FNDC3A: variants seen among roughly 807,000 people sequenced by gnomAD.
The protein encoded by FNDC3A is fibronectin type III domain containing 3A.
FNDC3A carries 32 observed loss-of-function variants against 148.9 expected under a neutral mutation model. The observed-to-expected ratio is 0.21, with a 90% CI of 0.16 to 0.29. FNDC3A has a LOEUF of 0.29. Among genes scored for constraint, FNDC3A ranks in the 10% least tolerant of loss-of-function variants. FNDC3A has a pLI of 1.00. For synonymous variants in FNDC3A, 472 were observed against 473.6 expected, an observed-to-expected ratio of 1.00 and a Z score of 0.04; for missense variants, 1,191 against 1,452.8, an observed-to-expected ratio of 0.82 and a Z score of 2.93.
intron 25 of FNDC3A, among the ~76,000 whole-genome samples, chr13:49,203,515 G>C (rs907519439): frequency 5.9e-5 from 9 of 152,112 alleles, no homozygotes; most frequent in Admixed American, 2.6e-4. Flanking sequence ...AGGCACTCAG[G>C]ATATAGCACT....
At chr13:49,192,208 C>T (rs536367557) in intron 19 of FNDC3A, among the ~76,000 whole-genome samples, 2 of 152,244 alleles carry the variant, frequency 1.3e-5, no homozygotes, top group Admixed American at 6.5e-5. Flanking sequence ...TCTCTCCTAC[C>T]CATTATTTTG....
chr13:49,100,660 C>T (rs369536114), intron 3 of FNDC3A, among the ~76,000 whole-genome samples: 4 of 152,082 alleles, frequency 2.6e-5, no homozygotes, highest in East Asian at 1.9e-4. Flanking sequence ...TCCTTCTATC[C>T]GTTCTTAATT....
chr13:49,075,252 T>A (rs1484202061), intron 2 of FNDC3A, 37 bp from the exon 3 acceptor site: 4 of 1,274,896 alleles, frequency 3.1e-6, no homozygotes, highest in Non-Finnish European at 4.5e-6. Flanking sequence ...TTTGCTTTTT[T>A]TTGTTTTGAT....
At chr13:49,099,166 A>G (rs975253448) in intron 3 of FNDC3A, among the ~76,000 whole-genome samples, 2 of 152,136 alleles carry the variant, frequency 1.3e-5, no homozygotes, top group African/African-American at 4.8e-5. Flanking sequence ...TTAAAACAAT[A>G]TTATTAGTAG....
chr13:49,175,769 T>C (rs184487011), intron 13 of FNDC3A, among the ~76,000 whole-genome samples: 118 of 152,322 alleles, frequency 7.7e-4, no homozygotes, highest in African/African-American at 2.7e-3. Context: ...GGCATCCTTA[T>C]CTTGTGCCAG....
chr13:48,988,169 A>G (rs980142147), intron 1 of FNDC3A, among the ~76,000 whole-genome samples: 17 of 152,212 alleles, frequency 1.1e-4, no homozygotes, highest in African/African-American at 3.9e-4. Flanking sequence ...TTAGAGACCT[A>G]CAAAGAAGCT....
At chr13:49,155,825 C>T (rs1465539018) in intron 8 of FNDC3A, among the ~76,000 whole-genome samples, 22 of 88,370 alleles carry the variant, frequency 2.5e-4, no homozygotes, top group Middle Eastern at 4.1e-3. Context: ...TGTAGTTGAG[C>T]GGTTTTGAGT....
At chr13:49,051,133 G>A (rs1363989910) in intron 2 of FNDC3A, among the ~76,000 whole-genome samples, 1 of 152,112 alleles carries the variant, frequency 6.6e-6, no homozygotes, top group Admixed American at 6.5e-5. Flanking sequence ...GGAGCACTTA[G>A]GCCATTTACA....
At chr13:49,187,094 C>A (rs1484391175) in intron 15 of FNDC3A, 28 bp from the exon 16 acceptor site, 4 of 1,543,780 alleles carry the variant, frequency 2.6e-6, no homozygotes, top group Non-Finnish European at 3.6e-6. Flanking sequence ...TTGTACCTTG[C>A]CTAATACTAC....
intron 2 of FNDC3A, among the ~76,000 whole-genome samples, chr13:49,013,555 T>C (rs1442044609): frequency 2.0e-5 from 3 of 151,778 alleles, no homozygotes; most frequent in Non-Finnish European, 4.4e-5. Flanking sequence ...TGTGTATACA[T>C]ATGTACACGT....
intron 2 of FNDC3A, among the ~76,000 whole-genome samples, chr13:49,040,184 T>C (rs933841539): frequency 5.3e-5 from 8 of 152,188 alleles, no homozygotes; most frequent in Non-Finnish European, 1.2e-4. Flanking sequence ...TAAGCATATG[T>C]TTATCTGTTA....
chr13:49,104,743 G>A (rs994979892), intron 3 of FNDC3A, among the ~76,000 whole-genome samples: 7 of 152,122 alleles, frequency 4.6e-5, no homozygotes, highest in African/African-American at 1.7e-4. Flanking sequence ...GGGACAGTTG[G>A]TTATCCATTT....
rs566178119 is a variant in FNDC3A, at chr13:49,122,183, AG to A, written c.252+7454del. 2.9e-3 allele frequency among the ~76,000 whole-genome samples: 449 copies of A among 152,312 alleles called. 3 individuals carry two copies. Among genetic ancestry groups the A allele is most frequent in the African/African-American group, 0.01 (427 of 41,564 alleles). On this transcript the variant is annotated intron_variant, in intron 4 of 25. Coordinates refer to ENST00000492622, the MANE Select transcript of FNDC3A (RefSeq NM_001079673.2). ...AAGTCTGCTTCATCCCTGGGATGCAAGGCTGGTTCAACATACGTAAATCAAT... is the reference window on the plus strand; with the variant it reads ...AAGTCTGCTTCATCCCTGGGATGCAAGCTGGTTCAACATACGTAAATCAAT...
intron 1 of FNDC3A, among the ~76,000 whole-genome samples, chr13:48,995,496 A>T (rs1230486012): frequency 6.6e-6 from 1 of 152,158 alleles, no homozygotes; most frequent in Admixed American, 6.5e-5. Flanking sequence ...TTTTAAATTT[A>T]ATATCAGTCA....
intron 3 of FNDC3A, among the ~76,000 whole-genome samples, chr13:49,096,587 C>T (rs970397556): frequency 6.6e-5 from 10 of 152,074 alleles, no homozygotes; most frequent in African/African-American, 2.4e-4. Flanking sequence ...CTTCTGTATT[C>T]AGCCACTTGC....
At chr13:49,024,886 A>G (rs748679755) in intron 2 of FNDC3A, among the ~76,000 whole-genome samples, 2 of 152,004 alleles carry the variant, frequency 1.3e-5, no homozygotes, top group African/African-American at 4.8e-5. Context: ...TTTCCTTTCA[A>G]TAATCATTTT....
intron 3 of FNDC3A, among the ~76,000 whole-genome samples, chr13:49,095,084 C>A (rs900766253): frequency 6.6e-6 from 1 of 151,818 alleles, no homozygotes; most frequent in Non-Finnish European, 1.5e-5. Flanking sequence ...AATAATTATA[C>A]AAGTGAAGTT....
intron 3 of FNDC3A, among the ~76,000 whole-genome samples, chr13:49,104,178 C>T (rs1880020653): frequency 6.6e-6 from 1 of 152,122 alleles, no homozygotes; most frequent in East Asian, 1.9e-4. Flanking sequence ...GTGACTTTTG[C>T]CAGTGCAGTT....
At chr13:49,199,328 A>ATTT (rs35601446) in intron 23 of FNDC3A, among the ~76,000 whole-genome samples, 9 of 133,154 alleles carry the variant, frequency 6.8e-5, no homozygotes, top group African/African-American at 2.3e-4. Flanking sequence ...GACCGAAACA[A>ATTT]TTTTTTTTTT....
Sources: allele counts gnomAD v4.1 joint callset (sites outside exome capture counted in the v4.1 genomes callset), GRCh38; gene constraint gnomAD v4.1.1; transcripts MANE v1.5; gene names NCBI Gene and HGNC (gene_info 2026-07-23, HGNC 2026-07-21).